The following TRAPPC11 variants were observed in gnomAD, a reference collection of about 807,000 sequenced individuals.
The protein encoded by TRAPPC11 is trafficking protein particle complex subunit 11.
TRAPPC11 carries 104 observed loss-of-function variants against 151.2 expected under a neutral mutation model. The ratio of observed to expected loss-of-function variants is 0.69; its 90% CI spans 0.59 to 0.81. The LOEUF is 0.81. TRAPPC11 is among the 30% of genes least tolerant of loss of function. The pLI is 0.00. For missense variants in TRAPPC11, 1,230 were observed against 1,349.6 expected (o/e 0.91, Z 1.39); for synonymous variants, 456 against 472.3 (o/e 0.97, Z 0.45).
intron 14 of TRAPPC11, 73 bp from the exon 15 acceptor site, chr4:183,684,623 A>AT (rs2111364587): frequency 1.3e-6 from 2 of 1,491,228 alleles, no homozygotes; most frequent in East Asian, 2.3e-5. Context: ...TGAGGAAAGT[A>AT]TTTTTTTCTC....
chr4:183,708,716 C>A, intron 29 of TRAPPC11, 142 bp downstream of exon 29: 1 of 669,288 alleles, frequency 1.5e-6, no homozygotes. Context: ...GGCAGTATTG[C>A]TGTTCATTTC....
chr4:183,680,890 G>A (rs866270843), intron 10 of TRAPPC11, among the ~76,000 whole-genome samples: 3 of 151,486 alleles, frequency 2.0e-5, no homozygotes, highest in African/African-American at 2.4e-5. Flanking sequence ...ATGGGGTTTC[G>A]CCACGTTGGC....
intron 1 of TRAPPC11, among the ~76,000 whole-genome samples, chr4:183,661,578 A>C (rs867031197): frequency 6.6e-6 from 1 of 151,196 alleles, no homozygotes; most frequent in Admixed American, 6.6e-5. Context: ...TCACCATGTT[A>C]GCCAGGATGG....
intron 1 of TRAPPC11, among the ~76,000 whole-genome samples, chr4:183,662,573 A>T (rs1319730548): frequency 6.6e-6 from 1 of 151,966 alleles, no homozygotes; most frequent in East Asian, 1.9e-4. Context: ...TCCCTTACAG[A>T]TTTTTCTTTA....
chr4:183,678,471 T>C (rs1188239525), intron 8 of TRAPPC11, among the ~76,000 whole-genome samples: 1 of 152,214 alleles, frequency 6.6e-6, no homozygotes, highest in Non-Finnish European at 1.5e-5. Flanking sequence ...TGATTGGTTA[T>C]ATAAATTATA....
chr4:183,705,444 C>T (rs986112897), intron 27 of TRAPPC11, among the ~76,000 whole-genome samples: 20 of 152,210 alleles, frequency 1.3e-4, no homozygotes, highest in African/African-American at 4.8e-4. Flanking sequence ...ATTTTGAGGA[C>T]TATACACTGC....
At chr4:183,700,116 TTAA>T (rs1176101991) in intron 25 of TRAPPC11, among the ~76,000 whole-genome samples, 1 of 152,148 alleles carries the variant, frequency 6.6e-6, no homozygotes, top group East Asian at 1.9e-4. Context: ...CCAGCCAATG[TTAA>T]TTATTAATAA....
At chr4:183,677,054 C>T (rs568502612) in intron 7 of TRAPPC11, among the ~76,000 whole-genome samples, 14 of 152,204 alleles carry the variant, frequency 9.2e-5, no homozygotes, top group African/African-American at 3.1e-4. Flanking sequence ...TGTGAGCCAC[C>T]GTGCCTGGCT....
rs913666397 is a variant in TRAPPC11 at position 183,709,925 on chromosome 4, C to T, written c.3357+1351C>T. Among the ~76,000 whole-genome samples, 12 of 152,116 alleles carry T rather than the reference C, an allele frequency of 7.9e-5. No homozygotes were observed. The East Asian group carries it at 1.3e-3, about 17-fold the overall frequency. On this transcript the variant is annotated intron_variant, in intron 29 of 29. Coordinates refer to ENST00000334690, the MANE Select transcript of TRAPPC11 (RefSeq NM_021942.6). Reference sequence around the variant, plus strand: ...CCTGGTGAAGTCACTCTGCAGGGGACGAGTCTCATGACTGGGTGGGGGAAC... The same window carrying T: ...CCTGGTGAAGTCACTCTGCAGGGGATGAGTCTCATGACTGGGTGGGGGAAC...
At chr4:183,683,813 G>T in intron 11 of TRAPPC11, 162 bp from the exon 12 acceptor site, 1 of 629,062 alleles carries the variant, frequency 1.6e-6, no homozygotes, top group Non-Finnish European at 2.8e-6. Context: ...AAGTTTCCAT[G>T]TTAATAAAGC....
chr4:183,709,913 C>T (rs936379445), intron 29 of TRAPPC11, among the ~76,000 whole-genome samples: 1 of 152,200 alleles, frequency 6.6e-6, no homozygotes, highest in African/African-American at 2.4e-5. Context: ...GGTGAAGTCA[C>T]TCTGCAGGGG....
chr4:183,661,594 ATC>A (rs1734545671), intron 1 of TRAPPC11, among the ~76,000 whole-genome samples: 7 of 151,520 alleles, frequency 4.6e-5, no homozygotes, highest in African/African-American at 1.7e-4. Context: ...GATGGTCTCG[ATC>A]TCCTGACCTT....
At chr4:183,660,998 C>T (rs1456794714) in intron 1 of TRAPPC11, among the ~76,000 whole-genome samples, 1 of 152,128 alleles carries the variant, frequency 6.6e-6, no homozygotes, top group Non-Finnish European at 1.5e-5. Flanking sequence ...AGGCGTGAGC[C>T]GCTGTACCCA....
chr4:183,661,757 C>CTTTTTTTTT (rs562308106), intron 1 of TRAPPC11, among the ~76,000 whole-genome samples: 3 of 100,106 alleles, frequency 3.0e-5, no homozygotes, highest in African/African-American at 4.0e-5. Context: ...TTTGGAATAA[C>CTTTTTTTTT]TTTTTTTTTT....
intron 27 of TRAPPC11, among the ~76,000 whole-genome samples, chr4:183,705,757 C>G (rs1737024496): frequency 6.6e-6 from 1 of 152,132 alleles, no homozygotes; most frequent in South Asian, 2.1e-4. Context: ...TAGGCTTGAT[C>G]AGATTCAGGG....
intron 25 of TRAPPC11, chr4:183,700,811 C>G (rs1192910618): frequency 1.3e-5 from 2 of 152,064 alleles, no homozygotes; most frequent in Non-Finnish European, 2.9e-5. Context: ...AATCTGAAAT[C>G]TGAAATGCTT....
chr4:183,680,309 A>C (rs752042703), intron 10 of TRAPPC11, 42 bp downstream of exon 10: 1 of 1,587,414 alleles, frequency 6.3e-7, no homozygotes, highest in South Asian at 1.2e-5. Flanking sequence ...TAGAAAAGTT[A>C]TTCTTCTTTT....
chr4:183,677,963 G>A (rs1054022052), intron 8 of TRAPPC11, among the ~76,000 whole-genome samples: 2 of 147,774 alleles, frequency 1.4e-5, no homozygotes, highest in African/African-American at 2.5e-5. Flanking sequence ...TTTTTGAGAC[G>A]GAGTTTTGCT....
Position 183,706,389 on chromosome 4 carries a change from G to A in TRAPPC11, c.3056-418G>A, listed in dbSNP as rs908932978. 2.0e-5 allele frequency among the ~76,000 whole-genome samples: 3 copies of A among 152,106 alleles called. No homozygotes were observed. The East Asian group carries it at 5.8e-4, about 29-fold the overall frequency. On this transcript the variant is annotated intron_variant, in intron 27 of 29. Transcript: ENST00000334690. ...ATGCAAAAAATTAGCCAGACATGGT[G>A]GCGGGCACCTGTAGTCCCAGCTACT... is the stretch of plus-strand genomic sequence containing the variant.
Sources: gnomAD v4.1 joint callset for allele counts (sites outside exome capture counted in the v4.1 genomes callset) on GRCh38, gnomAD v4.1.1 for gene constraint, MANE v1.5 for transcripts, NCBI Gene and HGNC (gene_info 2026-07-23, HGNC 2026-07-21) for gene names.